JMJD1C: variants seen among roughly 807,000 people sequenced by gnomAD.
JMJD1C encodes the protein jumonji domain containing 1C.
JMJD1C carries 31 observed loss-of-function variants against 245.3 expected under a neutral mutation model. The ratio of observed to expected loss-of-function variants is 0.13; its 90% CI spans 0.09 to 0.17. The LOEUF is 0.17. Ranked by LOEUF, JMJD1C falls within the 10% of genes least tolerant of loss-of-function variation. JMJD1C has a pLI of 1.00. For synonymous variants in JMJD1C, 1,057 were observed against 1,017.4 expected, an observed-to-expected ratio of 1.04 and a Z score of -0.74; for missense variants, 2,691 against 3,000.2, an observed-to-expected ratio of 0.90 and a Z score of 2.41.
chr10:63,236,331 C>T (rs1317331619), intron 3 of JMJD1C, among the ~76,000 whole-genome samples: 4 of 151,980 alleles, frequency 2.6e-5, no homozygotes, highest in South Asian at 2.1e-4. Context: ...GTATAAGGTC[C>T]GCTCCTCTCA....
intron 10 of JMJD1C, among the ~76,000 whole-genome samples, chr10:63,205,364 G>A (rs1846477587): frequency 6.6e-6 from 1 of 152,148 alleles, no homozygotes; most frequent in African/African-American, 2.4e-5. Context: ...TTACTCTGAA[G>A]TAAAATTGGC....
chr10:63,221,001 C>T lies in JMJD1C; in HGVS notation c.448-1018G>A, dbSNP rs538864573. ...TGGTGGGAGCCTGTAGTCCCAGCTACTGAGGATGCTGAGGCAGGAGAATGG... is the reference window on the plus strand; with the variant it reads ...TGGTGGGAGCCTGTAGTCCCAGCTATTGAGGATGCTGAGGCAGGAGAATGG... On this transcript the variant is annotated intron_variant, in intron 3 of 25. Coordinates refer to ENST00000399262, the MANE Select transcript of JMJD1C (RefSeq NM_032776.3). 2.0e-5 allele frequency among the ~76,000 whole-genome samples: 3 copies of T among 151,554 alleles called. No individual in the cohort carries two copies. In the South Asian group the frequency reaches 6.2e-4, roughly 32 times the overall value.
intron 1 of JMJD1C, among the ~76,000 whole-genome samples, chr10:63,458,013 GATA>G (rs1952526042): frequency 2.0e-5 from 3 of 152,120 alleles, no homozygotes; most frequent in Non-Finnish European, 2.9e-5. Flanking sequence ...ATGGGTTTAA[GATA>G]ATAATTTCGT....
rs575551092 is a variant in JMJD1C at position 63,412,087 on chromosome 10, G to A, written c.169-31605C>T. Among the ~76,000 whole-genome samples, 4 of 152,018 alleles carry A rather than the reference G, an allele frequency of 2.6e-5. No homozygotes were observed. The East Asian group carries it at 7.7e-4, about 29-fold the overall frequency. ...AAAATGTGTTTTTTAAAAACATGAAGAGCTATGTACAACTGACCCTGGAAC... is the reference window on the plus strand; with the variant it reads ...AAAATGTGTTTTTTAAAAACATGAAAAGCTATGTACAACTGACCCTGGAAC... On this transcript the variant is annotated intron_variant, in intron 1 of 25. Transcript: ENST00000399262.
intron 1 of JMJD1C, among the ~76,000 whole-genome samples, chr10:63,423,592 ATTTTGAATAATGG>A (rs1950257856): frequency 6.6e-6 from 1 of 152,118 alleles, no homozygotes; most frequent in South Asian, 2.1e-4. Context: ...CCTTTTGTCT[ATTTTGAATAATGG>A]TACTGGCATA....
intron 2 of JMJD1C, among the ~76,000 whole-genome samples, chr10:63,334,735 C>A (rs1469764277): frequency 6.9e-6 from 1 of 144,168 alleles, no homozygotes; most frequent in Non-Finnish European, 1.5e-5. Context: ...GACACAGACT[C>A]AAACTCGCTC....
rs754610984 is a variant in JMJD1C at position 63,207,903 on chromosome 10, C to G, written c.3766G>C (p.Glu1256Gln). ...ESQKPPTLIP[E>Q]PKDSQANFKS... ...AAATTTGCCTGGGAGTCTTTTGGTTCGGGTATTAGAGTTGGAGGCTTCTGT... is the reference window on the plus strand; with the variant it reads ...AAATTTGCCTGGGAGTCTTTTGGTTGGGGTATTAGAGTTGGAGGCTTCTGT... Residue 1256 changes from glutamate (E) to glutamine (Q), a missense_variant, in exon 10 of 26, where the codon GAA becomes CAA. Glu to Gln is a conservative substitution (Grantham distance 29). Transcript: ENST00000399262. 1 of 1,614,028 alleles carries G rather than the reference C, an allele frequency of 6.2e-7. No homozygotes were observed. The highest frequency in any genetic ancestry group is 2.2e-5 in the East Asian group (1 of 44,880).
intron 3 of JMJD1C, among the ~76,000 whole-genome samples, chr10:63,224,890 C>T (rs1849057196): frequency 6.6e-6 from 1 of 151,838 alleles, no homozygotes; most frequent in South Asian, 2.1e-4. Context: ...GGTGAAACCC[C>T]ATCTCTACTA....
chr10:63,196,625 T>C (rs1845491679), intron 13 of JMJD1C, among the ~76,000 whole-genome samples: 1 of 152,148 alleles, frequency 6.6e-6, no homozygotes, highest in Non-Finnish European at 1.5e-5. Context: ...GAAATGAAAA[T>C]GACACTCATT....
At chr10:63,426,113 G>A (rs1466858929) in intron 1 of JMJD1C, among the ~76,000 whole-genome samples, 2 of 152,284 alleles carry the variant, frequency 1.3e-5, no homozygotes, top group Non-Finnish European at 2.9e-5. Context: ...GGTGGCTCAC[G>A]ATTGTAATTC....
At chr10:63,497,319 A>G (rs558210221) in intron 1 of JMJD1C, among the ~76,000 whole-genome samples, 85 of 152,360 alleles carry the variant, frequency 5.6e-4, no homozygotes, top group African/African-American at 1.9e-3. Context: ...TATGTATACA[A>G]TGGACTATTA....
chr10:63,318,284 T>C (rs570525846), intron 2 of JMJD1C, among the ~76,000 whole-genome samples: 14 of 152,154 alleles, frequency 9.2e-5, no homozygotes, highest in Non-Finnish European at 1.5e-4. Flanking sequence ...CCCAAAGTGT[T>C]GGCATTACAT....
chr10:63,474,643 G>A (rs933501946), intron 1 of JMJD1C, among the ~76,000 whole-genome samples: 1 of 151,768 alleles, frequency 6.6e-6, no homozygotes, highest in Non-Finnish European at 1.5e-5. Flanking sequence ...TAGAGACGAC[G>A]GTCTCACTAT....
At chr10:63,379,037 C>T (rs949631028) in intron 2 of JMJD1C, among the ~76,000 whole-genome samples, 1 of 151,894 alleles carries the variant, frequency 6.6e-6, no homozygotes, top group African/African-American at 2.4e-5. Context: ...CCTTCCTATC[C>T]TGTCTTTTTA....
intron 3 of JMJD1C, among the ~76,000 whole-genome samples, chr10:63,251,059 C>A (rs1242269210): frequency 1.3e-5 from 2 of 152,156 alleles, no homozygotes. Flanking sequence ...TGAGCCACCA[C>A]AACTAGCCTA....
chr10:63,198,421 G>A, intron 12 of JMJD1C, 92 bp downstream of exon 12: 1 of 775,358 alleles, frequency 1.3e-6, no homozygotes, highest in South Asian at 1.9e-5. Context: ...ATCAAGGTTA[G>A]ATAAGATTAG....
rs2077987 is a variant in JMJD1C, at chr10:63,286,658, A to G, written c.334-21894T>C. 6.2e-3 allele frequency among the ~76,000 whole-genome samples: 945 copies of G among 152,208 alleles called. 11 individuals are homozygous for G. Among genetic ancestry groups the G allele is most frequent in the African/African-American group, 0.021 (873 of 41,534 alleles). Reference sequence around the variant, plus strand: ...CCCTTTAAACTTTACCCAATTATACACACCAGGTTTTCAAATACGAAAAAT... The same window carrying G: ...CCCTTTAAACTTTACCCAATTATACGCACCAGGTTTTCAAATACGAAAAAT... On this transcript the variant is annotated intron_variant, in intron 2 of 25. Coordinates refer to ENST00000399262, the MANE Select transcript of JMJD1C (RefSeq NM_032776.3).
chr10:63,316,548 A>G (rs1411294542), intron 2 of JMJD1C, among the ~76,000 whole-genome samples: 1 of 152,044 alleles, frequency 6.6e-6, no homozygotes, highest in African/African-American at 2.4e-5. Context: ...CCTGTGTTCA[A>G]GCGATTCTCC....
chr10:63,293,964 CTAAT>C (rs1025675702), intron 2 of JMJD1C, among the ~76,000 whole-genome samples: 7 of 152,116 alleles, frequency 4.6e-5, no homozygotes, highest in African/African-American at 1.4e-4. Context: ...TTCCCATGTA[CTAAT>C]TCAGTTCTTT....
Sources: allele counts gnomAD v4.1 joint callset (sites outside exome capture counted in the v4.1 genomes callset), GRCh38; gene constraint gnomAD v4.1.1; transcripts MANE v1.5; gene names NCBI Gene and HGNC (gene_info 2026-07-23, HGNC 2026-07-21).